ELAVL2: variants seen among roughly 807,000 people sequenced by gnomAD.
ELAVL2 encodes ELAV-like protein 2.
A neutral mutation model predicts 34.6 loss-of-function variants in ELAVL2; 4 were observed. The ratio of observed to expected loss-of-function variants is 0.12; its 90% CI spans 0.06 to 0.26. The LOEUF (loss-of-function observed/expected upper bound fraction) is 0.26, where lower values mean the gene tolerates loss of function less well. Among genes scored for constraint, ELAVL2 ranks in the 10% least tolerant of loss-of-function variants. The pLI, the probability that ELAVL2 is intolerant of heterozygous loss-of-function variation, is 1.00. For missense variants in ELAVL2, 432 were observed against 442.8 expected, an observed-to-expected ratio of 0.98 and a Z score of 0.22; for synonymous variants, 193 against 154.8, an observed-to-expected ratio of 1.25 and a Z score of -1.83.
At chr9:23,825,396 T>C (rs1564618054) in intron 1 of ELAVL2, among the ~76,000 whole-genome samples, 1 of 152,216 alleles carries the variant, frequency 6.6e-6, no homozygotes, top group Non-Finnish European at 1.5e-5. Flanking sequence ...TCCAGGCTTC[T>C]GATTCCCCTT....
intron 3 of ELAVL2, among the ~76,000 whole-genome samples, chr9:23,709,434 C>T (rs1238283595): frequency 2.7e-5 from 4 of 150,508 alleles, no homozygotes; most frequent in African/African-American, 9.7e-5. Flanking sequence ...CCATTACCAG[C>T]AACCTTCTCC....
At chr9:23,730,392 C>G (rs1055610399) in intron 3 of ELAVL2, among the ~76,000 whole-genome samples, 5 of 152,112 alleles carry the variant, frequency 3.3e-5, no homozygotes, top group African/African-American at 4.8e-5. Flanking sequence ...TCAAAGCAAG[C>G]TGAATTAGCT....
rs964927543 is a variant in ELAVL2 at position 23,701,657 on chromosome 9, A to T, written c.488-53T>A. On this transcript the variant is annotated intron_variant, in intron 4 of 6. Transcript: ENST00000397312. ...AAAAGAGGGAACAGAAGGAGAAGGG[A>T]AGGAGAGAAGAAAGGACACATTAAT... is the stretch of plus-strand genomic sequence containing the variant. The T allele has an allele frequency of 1.9e-6, 3 of 1,567,818 alleles. No homozygotes were observed. In the African/African-American group the frequency reaches 4.1e-5, roughly 21 times the overall value.
intron 1 of ELAVL2, among the ~76,000 whole-genome samples, chr9:23,823,415 G>C (rs1336943055): frequency 6.6e-6 from 1 of 152,160 alleles, no homozygotes; most frequent in East Asian, 1.9e-4. Flanking sequence ...AGTTCCCCAA[G>C]TCTTCCAAAC....
rs1212514872 is a variant in ELAVL2 at position 23,806,585 on chromosome 9, CTA to C, written c.-16+19219_-16+19220del. On this transcript the variant is annotated intron_variant, in intron 1 of 6. Transcript: ENST00000397312. ...CCCAGGAATTCAAAGTTACAGTTAA[CTA>C]TGATCATGCCACTGCAGTGAGACTA... is the stretch of plus-strand genomic sequence containing the variant. Among the ~76,000 whole-genome samples, 4 of 152,010 alleles carry C rather than the reference CTA, an allele frequency of 2.6e-5. No individual in the cohort carries two copies. In the East Asian group the frequency reaches 7.8e-4, roughly 29 times the overall value.
At position 23,751,105 on chromosome 9, in the gene ELAVL2, A is replaced by T. The variant is rs1044690501; in HGVS notation, c.229+10901T>A. The stretch of plus-strand genomic sequence containing the variant: ...ACATTCAAGTCTATCATCCCTCACC[A>T]AGAAATGCAAATTTTTGTTGAGCTA... On this transcript the variant is annotated intron_variant, in intron 2 of 6. Coordinates refer to ENST00000397312, the MANE Select transcript of ELAVL2 (RefSeq NM_004432.5). Among the ~76,000 whole-genome samples the T allele has an allele frequency of 2.6e-5, 4 of 152,148 alleles. No individual in the cohort carries two copies. In the South Asian group the frequency reaches 6.2e-4, roughly 24 times the overall value.
rs199637833 is a variant in ELAVL2 at position 23,699,812 on chromosome 9, G to GTTTTTTTTTTT, written c.713+1556_713+1566dup. On this transcript the variant is annotated intron_variant, in intron 5 of 6. Transcript: ENST00000397312. Reference sequence around the variant, plus strand: ...CCATGGGAAGTCAAAGGTGGCAAAGGTTTTTTTTTTTTTTTTTTTTTTTTT... The same window carrying GTTTTTTTTTTT: ...CCATGGGAAGTCAAAGGTGGCAAAGGTTTTTTTTTTTTTTTTTTTTTTTTTTTTTTTTTTTT... Among the ~76,000 whole-genome samples the GTTTTTTTTTTT allele has an allele frequency of 4.3e-4, 36 of 82,972 alleles. 5 individuals carry two copies. Among genetic ancestry groups the GTTTTTTTTTTT allele is most frequent in the East Asian group, 2.2e-3 (5 of 2,234 alleles). 54.4% of individuals were successfully genotyped at this position (82,972 alleles called of 152,430 possible).
chr9:23,694,891 C>T (rs1476798078), intron 5 of ELAVL2, among the ~76,000 whole-genome samples: 1 of 151,950 alleles, frequency 6.6e-6, no homozygotes, highest in African/African-American at 2.4e-5. Flanking sequence ...TGTGTGCGTG[C>T]CTTGACCCAC....
At chr9:23,810,813 A>G (rs772028345) in intron 1 of ELAVL2, among the ~76,000 whole-genome samples, 1 of 152,132 alleles carries the variant, frequency 6.6e-6, no homozygotes, top group Non-Finnish European at 1.5e-5. Flanking sequence ...AAGGACAGAA[A>G]AACTTGGTGT....
chr9:23,786,073 T>C (rs1419320406), intron 1 of ELAVL2, among the ~76,000 whole-genome samples: 1 of 152,188 alleles, frequency 6.6e-6, no homozygotes, highest in African/African-American at 2.4e-5. Flanking sequence ...TCTAAGTCTA[T>C]CCAAGGACAT....
chr9:23,756,815 T>C (rs899372052), intron 2 of ELAVL2, among the ~76,000 whole-genome samples: 3 of 152,154 alleles, frequency 2.0e-5, no homozygotes, highest in Admixed American at 6.6e-5. Flanking sequence ...TCAATCTCCC[T>C]ACAAAATGTT....
At chr9:23,826,422 A>T (rs1211061777), upstream of ELAVL2, 1 of 152,396 alleles carries the variant, frequency 6.6e-6, no homozygotes, top group Non-Finnish European at 1.5e-5. Flanking sequence ...TGATTGGTCC[A>T]CACGCTTCCA....
intron 3 of ELAVL2, among the ~76,000 whole-genome samples, chr9:23,715,154 C>G (rs1022524355): frequency 6.6e-6 from 1 of 152,138 alleles, no homozygotes; most frequent in African/African-American, 2.4e-5. Context: ...ATTCCATGGC[C>G]TTGTGCAGGA....
In ELAVL2 at chr9:23,691,202, G is replaced by GA. The variant is rs896469590; in HGVS notation, c.*1354dup. ...AACAATGTTAATGCCATTTACAAAGGAAAAAACTGATACAAAAACATTCAA... is the reference window on the plus strand; with the variant it reads ...AACAATGTTAATGCCATTTACAAAGGAAAAAAACTGATACAAAAACATTCAA... On this transcript the variant is annotated 3_prime_UTR_variant, in exon 7 of 7. Transcript: ENST00000397312. 2.0e-5 allele frequency: 3 copies of GA among 152,392 alleles called. No individual in the cohort carries two copies. Among genetic ancestry groups the GA allele is most frequent in the East Asian group, 1.9e-4 (1 of 5,164 alleles). The allele number at this position is 152,392 out of a possible 1,614,324, so 9.4% of individuals were successfully genotyped here. A position where few individuals can be genotyped will look rare whatever the true frequency, so the allele number is the denominator to read the frequency against.
At chr9:23,848,390 C>T in the ELAVL2 span, among the ~76,000 whole-genome samples, 69 of 152,282 alleles carry the variant, frequency 4.5e-4, no homozygotes, top group African/African-American at 1.6e-3. Context: ...ATTGATTCCT[C>T]TTGTACCAAC....
upstream of ELAVL2, among the ~76,000 whole-genome samples, chr9:23,830,627 T>C (rs377239840): frequency 0.071 from 4,467 of 63,296 alleles, 128 homozygotes; most frequent in African/African-American, 0.12. Flanking sequence ...CACACACACC[T>C]TTTTTTTTTT....
the ELAVL2 span, among the ~76,000 whole-genome samples, chr9:23,840,544 T>C: frequency 6.6e-6 from 1 of 152,300 alleles, no homozygotes; most frequent in East Asian, 1.9e-4. Context: ...AGCAGATTAA[T>C]TGGACTAATT....
At chr9:23,714,970 G>A (rs556499372) in intron 3 of ELAVL2, among the ~76,000 whole-genome samples, 1 of 152,272 alleles carries the variant, frequency 6.6e-6, no homozygotes, top group South Asian at 2.1e-4. Flanking sequence ...AATACGGCCA[G>A]AGAACTAGAC....
intron 1 of ELAVL2, chr9:23,821,195 C>T (rs2064623462): frequency 6.6e-6 from 1 of 152,642 alleles, no homozygotes; most frequent in South Asian, 2.1e-4. Context: ...CTAGAAAAGC[C>T]CCCTCCCCCA....
Sources: gnomAD v4.1 joint callset for allele counts (sites outside exome capture counted in the v4.1 genomes callset) on GRCh38, gnomAD v4.1.1 for gene constraint, MANE v1.5 for transcripts, NCBI Gene and HGNC (gene_info 2026-07-23, HGNC 2026-07-21) for gene names.